Variants in PDE1C observed in about 807,000 individuals in gnomAD.
The protein encoded by PDE1C is dual specificity calcium/calmodulin-dependent 3',5'-cyclic nucleotide phosphodiesterase 1C.
A neutral mutation model predicts 93.1 loss-of-function variants in PDE1C; 62 were observed. The ratio of observed to expected loss-of-function variants is 0.67; its 90% CI spans 0.54 to 0.82. The LOEUF is 0.82. Ranked by LOEUF, PDE1C falls within the 40% of genes least tolerant of loss-of-function variation. PDE1C has a pLI of 0.00. For synonymous variants in PDE1C, 325 were observed against 310.1 expected (o/e 1.05, Z -0.50); for missense variants, 742 against 884.6 (o/e 0.84, Z 2.04).
chr7:32,393,822 AT>A (rs890168210), intron 1 of PDE1C, among the ~76,000 whole-genome samples: 24 of 152,078 alleles, frequency 1.6e-4, no homozygotes, highest in African/African-American at 5.8e-4. Context: ...TCTCACCTGA[AT>A]TTTTTCCAAC....
At chr7:32,150,196 G>A (rs780449366) in intron 3 of PDE1C, among the ~76,000 whole-genome samples, 1 of 152,212 alleles carries the variant, frequency 6.6e-6, no homozygotes, top group Admixed American at 6.5e-5. Context: ...TTCTGGCAGA[G>A]CCACTTTGCT....
At chr7:31,948,449 A>G (rs1806919124) in intron 2 of PDE1C, among the ~76,000 whole-genome samples, 1 of 151,916 alleles carries the variant, frequency 6.6e-6, no homozygotes, top group African/African-American at 2.4e-5. Context: ...AAAAACAGTT[A>G]TTTTATAGTT....
intron 1 of PDE1C, among the ~76,000 whole-genome samples, chr7:32,374,199 G>GAAAGAAAGAAAGAAAGAAGAAAGAAA (rs1562695857): frequency 8.1e-6 from 1 of 123,100 alleles, no homozygotes; most frequent in African/African-American, 3.9e-5. Flanking sequence ...AGAAAGAGAG[G>GAAAGAAAGAAAGAAAGAAGAAAGAAA]GAAAGAGAGG....
the PDE1C span, among the ~76,000 whole-genome samples, chr7:31,709,872 C>A: frequency 6.6e-6 from 1 of 152,164 alleles, no homozygotes; most frequent in African/African-American, 2.4e-5. Context: ...TTAAGGGACC[C>A]AGGTGCAGTG....
intron 2 of PDE1C, among the ~76,000 whole-genome samples, chr7:32,173,813 C>T (rs765597352): frequency 9.9e-5 from 15 of 152,154 alleles, no homozygotes; most frequent in Admixed American, 5.2e-4. Flanking sequence ...ACAGCTCTGC[C>T]AGGAAGACTG....
intron 1 of PDE1C, among the ~76,000 whole-genome samples, chr7:32,326,739 T>C (rs1327035391): frequency 6.6e-6 from 1 of 152,144 alleles, no homozygotes; most frequent in African/African-American, 2.4e-5. Flanking sequence ...TTGTAGATAA[T>C]CTGCTGCATA....
chr7:31,810,202 C>G (rs987881883), intron 15 of PDE1C, among the ~76,000 whole-genome samples: 1 of 152,090 alleles, frequency 6.6e-6, no homozygotes, highest in African/African-American at 2.4e-5. Flanking sequence ...GGCCTCTTCA[C>G]CCAGCCTTAT....
chr7:32,044,736 C>T (rs753885424), intron 2 of PDE1C, among the ~76,000 whole-genome samples: 1 of 152,144 alleles, frequency 6.6e-6, no homozygotes, highest in Non-Finnish European at 1.5e-5. Context: ...GTTGAAGGAA[C>T]ACCCAACAGA....
intron 1 of PDE1C, among the ~76,000 whole-genome samples, chr7:32,416,108 G>T (rs10274269): frequency 0.13 from 20,189 of 152,202 alleles, 2,473 homozygotes; most frequent in African/African-American, 0.32. Flanking sequence ...CCTGCCACTA[G>T]AGCCTGGGAG....
intron 2 of PDE1C, among the ~76,000 whole-genome samples, chr7:32,200,084 A>G (rs568279503): frequency 3.3e-4 from 50 of 152,334 alleles, no homozygotes; most frequent in African/African-American, 1.2e-3. Context: ...CTCAAAATCC[A>G]AAACATTTCT....
chr7:31,922,535 G>A (rs565730139), intron 2 of PDE1C, among the ~76,000 whole-genome samples: 21 of 152,184 alleles, frequency 1.4e-4, no homozygotes, highest in Non-Finnish European at 2.2e-4. Context: ...GAGGTAAAAT[G>A]TATTTGGAAG....
At chr7:32,254,894 A>C (rs1809672269) in intron 1 of PDE1C, among the ~76,000 whole-genome samples, 3 of 152,118 alleles carry the variant, frequency 2.0e-5, no homozygotes, top group Non-Finnish European at 4.4e-5. Context: ...ACCCCACCCA[A>C]ATTCACTCAG....
intron 2 of PDE1C, among the ~76,000 whole-genome samples, chr7:31,974,547 G>A (rs1442987279): frequency 3.3e-5 from 5 of 150,908 alleles, no homozygotes; most frequent in Non-Finnish European, 7.4e-5. Context: ...TTTGAATGAC[G>A]TTTACCCTGA....
intron 3 of PDE1C, among the ~76,000 whole-genome samples, chr7:32,127,650 G>A (rs1440943702): frequency 6.6e-6 from 1 of 151,794 alleles, no homozygotes; most frequent in Non-Finnish European, 1.5e-5. Context: ...AATATAATAG[G>A]GGGAGACAGT....
the PDE1C span, among the ~76,000 whole-genome samples, chr7:31,744,099 T>C: frequency 1.3e-5 from 2 of 152,322 alleles, no homozygotes; most frequent in East Asian, 3.9e-4. Flanking sequence ...TATACATTAA[T>C]GGTGCTGTAG....
the PDE1C span, among the ~76,000 whole-genome samples, chr7:31,634,901 T>C: frequency 6.6e-6 from 1 of 152,102 alleles, no homozygotes; most frequent in Non-Finnish European, 1.5e-5. Flanking sequence ...CTAGGGAAAA[T>C]GCCACTGAGG....
chr7:31,940,320 G>T (rs1291802362), intron 2 of PDE1C, among the ~76,000 whole-genome samples: 1 of 152,118 alleles, frequency 6.6e-6, no homozygotes, highest in Non-Finnish European at 1.5e-5. Context: ...AGGTGCTCAG[G>T]CTTAGCTGTC....
At chr7:31,676,644 TAGA>T in the PDE1C span, among the ~76,000 whole-genome samples, 1 of 151,636 alleles carries the variant, frequency 6.6e-6, no homozygotes, top group Non-Finnish European at 1.5e-5. Flanking sequence ...CTCCAAAAAC[TAGA>T]AGAAAAACAA....
At chr7:31,980,296 A>G (rs1268420401) in intron 2 of PDE1C, among the ~76,000 whole-genome samples, 1 of 152,226 alleles carries the variant, frequency 6.6e-6, no homozygotes, top group Non-Finnish European at 1.5e-5. Flanking sequence ...TTTTAGAATA[A>G]TATTTAATTT....
Sources: gnomAD v4.1 joint callset for allele counts (sites outside exome capture counted in the v4.1 genomes callset) on GRCh38, gnomAD v4.1.1 for gene constraint, MANE v1.5 for transcripts, NCBI Gene and HGNC (gene_info 2026-07-23, HGNC 2026-07-21) for gene names.